The following DNAI3 variants were observed in gnomAD, a reference collection of about 807,000 sequenced individuals.
DNAI3 encodes WD repeat domain 63.
A neutral mutation model predicts 115.5 loss-of-function variants in DNAI3; 83 were observed. The ratio of observed to expected loss-of-function variants is 0.72; its 90% CI spans 0.60 to 0.86. The LOEUF (loss-of-function observed/expected upper bound fraction) is 0.86. Among genes scored for constraint, DNAI3 ranks in the 40% least tolerant of loss-of-function variants. The pLI, the probability that DNAI3 is intolerant of heterozygous loss-of-function variation, is 0.00. For missense variants in DNAI3, 1,004 were observed against 1,075.8 expected, an observed-to-expected ratio of 0.93 and a Z score of 0.93; for synonymous variants, 320 against 347.0, an observed-to-expected ratio of 0.92 and a Z score of 0.86.
intron 12 of DNAI3, 146 bp from the exon 13 acceptor site, chr1:85,098,384 T>C (rs946180904): frequency 1.1e-6 from 1 of 921,320 alleles, no homozygotes; most frequent in Non-Finnish European, 1.6e-6. Context: ...TACCTAAATA[T>C]ATGATATAGA....
rs536603637 is a variant in DNAI3, at chr1:85,078,210, C to G, written c.104-3024C>G. On this transcript the variant is annotated intron_variant, in intron 3 of 22. Coordinates refer to ENST00000294664, the MANE Select transcript of DNAI3 (RefSeq NM_145172.5). ...GAGTTCAGGGATCTTGGTTTTGATC[C>G]CAGTACCACCACTTTCAACTTCCAG... 3.3e-5 allele frequency among the ~76,000 whole-genome samples: 5 copies of G among 152,234 alleles called. No homozygotes were observed. The South Asian group carries it at 1.0e-3, about 32-fold the overall frequency.
chr1:85,090,275 G>A, intron 8 of DNAI3, 43 bp downstream of exon 8: 1 of 1,149,758 alleles, frequency 8.7e-7, no homozygotes, highest in Admixed American at 2.4e-5. Flanking sequence ...AACATAAAAT[G>A]TATATGTTTA....
chr1:85,094,202 A>G (rs1655062726), intron 9 of DNAI3: 3 of 561,904 alleles, frequency 5.3e-6, no homozygotes, highest in Admixed American at 3.1e-5. Flanking sequence ...AGTCCCCTGT[A>G]TATTTTATAC....
Position 85,090,227 on chromosome 1 carries a change from C to T in DNAI3, c.852C>T (p.Ser284=). The T allele has an allele frequency of 6.5e-7, 1 of 1,533,782 alleles. No homozygotes were observed. Among genetic ancestry groups the T allele is most frequent in the Non-Finnish European group, 8.8e-7 (1 of 1,137,532 alleles). ...KPLVDFLNNA[S]ISVEIALQQN... is the part of the protein sequence containing the mutation. The stretch of plus-strand genomic sequence containing the variant: ...TGGTTGATTTTCTTAACAATGCATC[C>T]ATAAGGTAAAAAATTGCATATTAAA... The change falls in exon 8 of 23, where the codon TCC becomes TCT. Residue 284 remains serine, a synonymous_variant. Transcript: ENST00000294664.
intron 9 of DNAI3, chr1:85,094,077 G>A: frequency 2.5e-6 from 1 of 399,300 alleles, no homozygotes; most frequent in Non-Finnish European, 4.8e-6. Context: ...TGCAAAGATG[G>A]AAACATGGAA....
intron 9 of DNAI3, 94 bp downstream of exon 9, chr1:85,093,742 A>G (rs1452782169): frequency 6.9e-7 from 1 of 1,454,802 alleles, no homozygotes; most frequent in Non-Finnish European, 9.6e-7. Flanking sequence ...CAATGTCAAT[A>G]AGACACCTTC....
At position 85,070,936 on chromosome 1, in the gene DNAI3, A is replaced by G. The variant is rs533161379; in HGVS notation, c.-14-992A>G. Among the ~76,000 whole-genome samples the G allele has an allele frequency of 6.0e-4, 91 of 152,340 alleles. 1 individual carries two copies. Among genetic ancestry groups the G allele is most frequent in the African/African-American group, 2.1e-3 (86 of 41,578 alleles). On this transcript the variant is annotated intron_variant, in intron 1 of 22. Transcript: ENST00000294664. ...TACACAGGAACACAGACACACTCAC[A>G]TCCACACTTTGGACAAGATTTTGTG... is the stretch of plus-strand genomic sequence containing the variant.
intron 5 of DNAI3, among the ~76,000 whole-genome samples, chr1:85,083,322 G>A (rs1028066063): frequency 8.6e-5 from 13 of 151,820 alleles, no homozygotes; most frequent in Admixed American, 3.3e-4. Flanking sequence ...CCCTGCCACC[G>A]CAAAAAATAA....
At position 85,071,978 on chromosome 1, in the gene DNAI3, A is replaced by C; in HGVS notation, c.37A>C (p.Lys13Gln). The change falls in exon 2 of 23, where the codon AAA (lysine) becomes CAA (glutamine). Residue 13 changes from lysine (K) to glutamine (Q), a missense_variant. Lys to Gln is a moderately conservative substitution (Grantham distance 53). This residue lies in a region of DNAI3 where 550 missense variants were observed against 568.1 expected (regional missense o/e 0.97). Transcript: ENST00000294664. ...PKQKKKTSRG[K>Q]KRLKPVLAAS... The stretch of plus-strand genomic sequence containing the variant: ...ACAAAAGAAAAAGACATCACGTGGC[A>C]AAAAAAGACTAAAACCAGTATTAGC... 1 of 1,606,306 alleles carries C rather than the reference A, an allele frequency of 6.2e-7. No homozygotes were observed. Among genetic ancestry groups the C allele is most frequent in the Non-Finnish European group, 8.5e-7 (1 of 1,179,410 alleles).
intron 17 of DNAI3, among the ~76,000 whole-genome samples, chr1:85,121,514 C>G (rs144821976): frequency 1.3e-5 from 2 of 152,348 alleles, no homozygotes; most frequent in African/African-American, 4.8e-5. Context: ...GCAGAACTAT[C>G]ATGTTCTCCA....
At chr1:85,093,933 T>C (rs1410077005) in intron 9 of DNAI3, 2 of 557,876 alleles carry the variant, frequency 3.6e-6, no homozygotes, top group Non-Finnish European at 3.4e-6. Flanking sequence ...AGGCAGAGTC[T>C]GGGTTGGGCT....
At chr1:85,095,810 T>C in intron 10 of DNAI3, 121 bp from the exon 11 acceptor site, 1 of 921,262 alleles carries the variant, frequency 1.1e-6, no homozygotes, top group Non-Finnish European at 1.7e-6. Context: ...GAATAGACTC[T>C]CTACGCACCT....
intron 8 of DNAI3, 147 bp from the exon 9 acceptor site, chr1:85,093,311 C>T (rs1016790153): frequency 2.5e-6 from 2 of 799,862 alleles, no homozygotes; most frequent in Non-Finnish European, 3.8e-6. Context: ...ATTTATTTCA[C>T]ATGAGGTTAA....
chr1:85,078,870 G>T (rs1259395283), intron 3 of DNAI3, among the ~76,000 whole-genome samples: 1 of 152,224 alleles, frequency 6.6e-6, no homozygotes, highest in Admixed American at 6.5e-5. Context: ...CTATATTAGA[G>T]TTGCCTTGAA....
At chr1:85,094,638 A>G (rs1353671923) in intron 10 of DNAI3, 83 bp downstream of exon 10, 2 of 1,475,214 alleles carry the variant, frequency 1.4e-6, no homozygotes, top group East Asian at 4.6e-5. Flanking sequence ...ATTGCAAAGT[A>G]CTTTATAATC....
At chr1:85,130,834 T>C (rs550838782) in intron 22 of DNAI3, among the ~76,000 whole-genome samples, 4 of 152,282 alleles carry the variant, frequency 2.6e-5, no homozygotes, top group African/African-American at 9.6e-5. Context: ...TCTTAAACTC[T>C]GCCAAAAAAG....
chr1:85,089,570 T>G (rs557978183), intron 7 of DNAI3, among the ~76,000 whole-genome samples: 1 of 151,300 alleles, frequency 6.6e-6, no homozygotes, highest in Non-Finnish European at 1.5e-5. Flanking sequence ...CTTCAACAAA[T>G]TGACATTTGG....
In DNAI3 at chr1:85,076,041, T is replaced by G. The variant is rs1007517269; in HGVS notation, c.103+2949T>G. 7.5e-4 allele frequency among the ~76,000 whole-genome samples: 114 copies of G among 152,310 alleles called. 1 individual carries two copies. Among genetic ancestry groups the G allele is most frequent in the Non-Finnish European group, 1.5e-4 (10 of 68,006 alleles). ...AGGTGTCAGCAGGGCTGATTATCGCTGGAGGCCCTGAGAGGTGAATATGTT... is the reference window on the plus strand; with the variant it reads ...AGGTGTCAGCAGGGCTGATTATCGCGGGAGGCCCTGAGAGGTGAATATGTT... On this transcript the variant is annotated intron_variant, in intron 3 of 22. Coordinates refer to ENST00000294664, the MANE Select transcript of DNAI3 (RefSeq NM_145172.5).
chr1:85,117,898 T>C (rs769354039), intron 17 of DNAI3, 39 bp downstream of exon 17: 2 of 1,594,506 alleles, frequency 1.3e-6, no homozygotes, highest in Non-Finnish European at 1.7e-6. Flanking sequence ...TAATACTTAT[T>C]TATACTAAAA....
Sources: allele counts gnomAD v4.1 joint callset (sites outside exome capture counted in the v4.1 genomes callset), GRCh38; gene constraint gnomAD v4.1.1; regional missense constraint gnomAD v4.1.1; transcripts MANE v1.5; gene names NCBI Gene and HGNC (gene_info 2026-07-23, HGNC 2026-07-21).